GMCL1: variants seen among roughly 807,000 people sequenced by gnomAD.
GMCL1 encodes germ cell-less protein-like 1.
A neutral mutation model predicts 75.5 loss-of-function variants in GMCL1; 54 were observed. The ratio of observed to expected loss-of-function variants is 0.71; its 90% CI spans 0.57 to 0.90. GMCL1 has a LOEUF of 0.90. Among genes scored for constraint, GMCL1 ranks in the 40% least tolerant of loss-of-function variants. GMCL1 has a pLI of 0.00. For missense variants in GMCL1, 537 were observed against 622.7 expected, an observed-to-expected ratio of 0.86 and a Z score of 1.47; for synonymous variants, 210 against 209.6, an observed-to-expected ratio of 1.00 and a Z score of -0.02.
intron 11 of GMCL1, among the ~76,000 whole-genome samples, chr2:69,866,481 G>A (rs1238737216): frequency 6.6e-6 from 1 of 151,778 alleles, no homozygotes; most frequent in Non-Finnish European, 1.5e-5. Context: ...CACATTGATT[G>A]ACTGATGGAC....
rs1462233906 is a variant in GMCL1, at chr2:69,861,080, TGATC to T, written c.1073-197_1073-194del. ...CTGATCTCGAACTCCTGACCTCAGG[TGATC>T]CACCTGCCTTGGCCTCCCAAAGTGC... On this transcript the variant is annotated intron_variant, in intron 9 of 13. Transcript: ENST00000282570. Among the ~76,000 whole-genome samples the T allele has an allele frequency of 2.6e-3, 391 of 152,334 alleles. 2 individuals are homozygous for T. The highest frequency in any genetic ancestry group is 9.0e-3 in the African/African-American group (376 of 41,586).
At chr2:69,840,223 A>G (rs1407663667) in intron 3 of GMCL1, 2 of 152,252 alleles carry the variant, frequency 1.3e-5, no homozygotes, top group African/African-American at 4.8e-5. Flanking sequence ...CCTGGCTAAC[A>G]TGGTGAACCC....
At position 69,840,999 on chromosome 2, in the gene GMCL1, G is replaced by A. The variant is rs766261627; in HGVS notation, c.539G>A (p.Arg180Gln). ...GATGATGTCTTGATAAAGCCCAGTC[G>A]AGTTGTTGCCATTTTGGCAGCAGCT... Reference protein sequence around the residue: ...YRDDVLIKPSRVVAILAAACL... With the variant: ...YRDDVLIKPSQVVAILAAACL... Residue 180 changes from arginine to glutamine, a missense_variant, in exon 4 of 14, where the codon CGA becomes CAA. By Grantham distance (43) the Arg-to-Gln change is conservative. Coordinates refer to ENST00000282570, the MANE Select transcript of GMCL1 (RefSeq NM_178439.5). 5 of 1,613,972 alleles carry A rather than the reference G, an allele frequency of 3.1e-6. No individual in the cohort carries two copies. Among genetic ancestry groups the A allele is most frequent in the East Asian group, 2.2e-5 (1 of 44,872 alleles).
Position 69,843,257 on chromosome 2 carries a change from A to C in GMCL1, c.688A>C (p.Lys230Gln), listed in dbSNP as rs1264990244. 5 of 1,544,886 alleles carry C rather than the reference A, an allele frequency of 3.2e-6. No homozygotes were observed. The highest frequency in any genetic ancestry group is 1.4e-5 in the African/African-American group (1 of 73,522). ...AGTYGLDSVK[K>Q]KCLEWLLNNL... Reference sequence around the variant, plus strand: ...GACCTATGGATTAGATTCTGTAAAGAAAAAGTGAGTTGCCTTTCTTGTTTT... The same window carrying C: ...GACCTATGGATTAGATTCTGTAAAGCAAAAGTGAGTTGCCTTTCTTGTTTT... Residue 230 changes from lysine to glutamine, a missense_variant, in exon 5 of 14, where the codon AAA (lysine) becomes CAA (glutamine). Coordinates refer to ENST00000282570, the MANE Select transcript of GMCL1 (RefSeq NM_178439.5).
intron 6 of GMCL1, 94 bp from the exon 7 acceptor site, chr2:69,847,449 T>A: frequency 1.2e-6 from 1 of 807,584 alleles, no homozygotes; most frequent in Non-Finnish European, 2.1e-6. Context: ...TTCCACATAT[T>A]TTTTTACAAG....
intron 12 of GMCL1, among the ~76,000 whole-genome samples, chr2:69,870,824 T>C (rs191847241): frequency 6.6e-6 from 1 of 152,254 alleles, no homozygotes; most frequent in Non-Finnish European, 1.5e-5. Flanking sequence ...ACTTCACACC[T>C]ATTAGGATAG....
intron 8 of GMCL1, among the ~76,000 whole-genome samples, chr2:69,852,416 T>C (rs1675342360): frequency 6.6e-6 from 1 of 152,224 alleles, no homozygotes; most frequent in African/African-American, 2.4e-5. Flanking sequence ...CTCTTGTTTT[T>C]CTATGAAGAT....
intron 9 of GMCL1, among the ~76,000 whole-genome samples, chr2:69,857,209 C>CT (rs1302183472): frequency 1.3e-5 from 2 of 152,206 alleles, no homozygotes; most frequent in Admixed American, 1.3e-4. Flanking sequence ...TCTTCCCTCT[C>CT]AGGCTTGGAT....
In GMCL1 at chr2:69,850,864, A is replaced by G. The variant is rs555122240; in HGVS notation, c.934+1122A>G. Among the ~76,000 whole-genome samples, 17 of 152,342 alleles carry G rather than the reference A, an allele frequency of 1.1e-4. 1 individual carries two copies. In the South Asian group the frequency reaches 2.7e-3, roughly 24 times the overall value. On this transcript the variant is annotated intron_variant, in intron 8 of 13. Transcript: ENST00000282570. ...GCTAGCAGCAACACGCCACTGTATAATATATCATTTTGTTTTAGTTGTTAT... is the reference window on the plus strand; with the variant it reads ...GCTAGCAGCAACACGCCACTGTATAGTATATCATTTTGTTTTAGTTGTTAT...
intron 10 of GMCL1, among the ~76,000 whole-genome samples, chr2:69,864,011 C>T (rs1227940765): frequency 6.6e-6 from 1 of 152,066 alleles, no homozygotes; most frequent in East Asian, 1.9e-4. Flanking sequence ...CTCTAATGAT[C>T]CCCCTCTAAT....
At chr2:69,848,087 A>G (rs573251368) in intron 7 of GMCL1, among the ~76,000 whole-genome samples, 1 of 152,176 alleles carries the variant, frequency 6.6e-6, no homozygotes, top group African/African-American at 2.4e-5. Flanking sequence ...TAAAAAATCT[A>G]ATTTTATTTT....
rs560427399 is a variant in GMCL1, at chr2:69,843,213, G to T, written c.644G>T (p.Gly215Val). 3 of 1,611,076 alleles carry T rather than the reference G, an allele frequency of 1.9e-6. No homozygotes were observed. In the African/African-American group the frequency reaches 4.0e-5, roughly 21 times the overall value. ...KETVNVKTVC[G>V]YYTSAGTYGL... ...ACAGTTAATGTGAAAACTGTATGTGGCTATTACACATCAGCAGGGACCTAT... is the reference window on the plus strand; with the variant it reads ...ACAGTTAATGTGAAAACTGTATGTGTCTATTACACATCAGCAGGGACCTAT... The change falls in exon 5 of 14, where the codon GGC (glycine) becomes GTC (valine). Residue 215 changes from glycine to valine, a missense_variant. Coordinates refer to ENST00000282570, the MANE Select transcript of GMCL1 (RefSeq NM_178439.5).
chr2:69,843,422 T>A (rs1675042545), intron 5 of GMCL1, among the ~76,000 whole-genome samples, 161 bp downstream of exon 5: 1 of 152,244 alleles, frequency 6.6e-6, no homozygotes, highest in African/African-American at 2.4e-5. Context: ...ACTTTTGGAC[T>A]AATTAGTAAA....
At chr2:69,875,223 C>T (rs1237531099) in intron 13 of GMCL1, among the ~76,000 whole-genome samples, 3 of 151,960 alleles carry the variant, frequency 2.0e-5, no homozygotes, top group African/African-American at 7.3e-5. Flanking sequence ...GAGTATTTGA[C>T]GATATATCTG....
chr2:69,876,346 A>G (rs2104072656), intron 13 of GMCL1, among the ~76,000 whole-genome samples: 1 of 152,330 alleles, frequency 6.6e-6, no homozygotes, highest in Non-Finnish European at 1.5e-5. Flanking sequence ...GAAATGTCAG[A>G]TGGTTTTCTG....
intron 4 of GMCL1, 58 bp downstream of exon 4, chr2:69,841,097 T>C (rs557564439): frequency 8.1e-7 from 1 of 1,233,514 alleles, no homozygotes; most frequent in African/African-American, 1.5e-5. Context: ...TCTCAAAGTG[T>C]GTACTCCAAA....
intron 1 of GMCL1, among the ~76,000 whole-genome samples, chr2:69,834,740 ACTC>A (rs1674773143): frequency 1.3e-5 from 2 of 151,072 alleles, no homozygotes; most frequent in African/African-American, 4.9e-5. Flanking sequence ...TAATCTGGAG[ACTC>A]ATATACTACC....
intron 6 of GMCL1, 138 bp from the exon 7 acceptor site, chr2:69,847,405 T>C (rs1334381490): frequency 1.2e-5 from 8 of 690,346 alleles, no homozygotes; most frequent in Non-Finnish European, 1.8e-5. Context: ...CTAAGATTCT[T>C]TGTCTTGGGC....
At chr2:69,851,559 G>A (rs1401999688) in intron 8 of GMCL1, among the ~76,000 whole-genome samples, 1 of 151,946 alleles carries the variant, frequency 6.6e-6, no homozygotes, top group Non-Finnish European at 1.5e-5. Context: ...GCAGGGGGCC[G>A]AGATTGCGCC....
Sources: allele counts gnomAD v4.1 joint callset (sites outside exome capture counted in the v4.1 genomes callset), GRCh38; gene constraint gnomAD v4.1.1; transcripts MANE v1.5; gene names NCBI Gene and HGNC (gene_info 2026-07-23, HGNC 2026-07-21).